The following ELMO1 variants were observed in gnomAD, a reference collection of about 807,000 sequenced individuals.
ELMO1 encodes engulfment and cell motility protein 1.
Under a neutral mutation model 98.9 loss-of-function variants are expected in ELMO1, and 26 were observed. That is an observed-to-expected ratio of 0.26 (90% CI 0.19 to 0.36). The LOEUF is 0.36. ELMO1 is among the 10% of genes least tolerant of loss of function. ELMO1 has a pLI of 1.00. For missense variants in ELMO1, 627 were observed against 935.2 expected, an observed-to-expected ratio of 0.67 and a Z score of 4.30; for synonymous variants, 346 against 346.0, an observed-to-expected ratio of 1.00 and a Z score of 0.00.
chr7:36,916,011 A>G (rs1242256719), intron 16 of ELMO1, among the ~76,000 whole-genome samples: 2 of 152,158 alleles, frequency 1.3e-5, no homozygotes, highest in African/African-American at 4.8e-5. Flanking sequence ...CAGGGAGGAA[A>G]TCTAAGCTTT....
At chr7:37,294,903 G>C (rs1049511690) in intron 4 of ELMO1, among the ~76,000 whole-genome samples, 2 of 151,920 alleles carry the variant, frequency 1.3e-5, no homozygotes, top group Admixed American at 6.6e-5. Context: ...GGGAGGCTGA[G>C]GCAGGAGAAT....
Position 37,029,826 on chromosome 7 carries a change from T to C in ELMO1, c.1301-16391A>G, listed in dbSNP as rs536867183. Among the ~76,000 whole-genome samples the C allele has an allele frequency of 3.3e-5, 5 of 152,302 alleles. No individual in the cohort carries two copies. In the East Asian group the frequency reaches 9.6e-4, roughly 29 times the overall value. ...ATGTATAGATTCTGCCTTAGAAATGTATGTTTGTGAAGAATTAGAGTCTTA... is the reference window on the plus strand; with the variant it reads ...ATGTATAGATTCTGCCTTAGAAATGCATGTTTGTGAAGAATTAGAGTCTTA... On this transcript the variant is annotated intron_variant, in intron 15 of 21. Transcript: ENST00000310758.
At chr7:37,185,877 A>G (rs1487063420) in intron 13 of ELMO1, among the ~76,000 whole-genome samples, 1 of 152,216 alleles carries the variant, frequency 6.6e-6, no homozygotes, top group Non-Finnish European at 1.5e-5. Context: ...TTAAGCTGGG[A>G]TGGCAATGCT....
intron 13 of ELMO1, among the ~76,000 whole-genome samples, chr7:37,194,177 T>A (rs1404398829): frequency 6.6e-6 from 1 of 152,254 alleles, no homozygotes; most frequent in Non-Finnish European, 1.5e-5. Flanking sequence ...GCCAGGTTAC[T>A]GTAAATCTCA....
At chr7:37,383,806 C>T (rs1322325946) in intron 1 of ELMO1, among the ~76,000 whole-genome samples, 1 of 150,108 alleles carries the variant, frequency 6.7e-6, no homozygotes, top group Non-Finnish European at 1.5e-5. Context: ...ATATACAGGG[C>T]TTTTTGTTGT....
At chr7:37,086,872 T>C (rs985808754) in intron 15 of ELMO1, among the ~76,000 whole-genome samples, 3 of 142,746 alleles carry the variant, frequency 2.1e-5, no homozygotes, top group African/African-American at 7.5e-5. Flanking sequence ...GAAGTTTCCA[T>C]CCTAATTCCC....
chr7:37,373,039 G>A (rs1159933098), intron 1 of ELMO1, among the ~76,000 whole-genome samples: 1 of 152,192 alleles, frequency 6.6e-6, no homozygotes, highest in Non-Finnish European at 1.5e-5. Context: ...CACCTACAGG[G>A]AAACATCACA....
At chr7:36,990,197 A>G (rs1791782506) in intron 16 of ELMO1, among the ~76,000 whole-genome samples, 1 of 152,204 alleles carries the variant, frequency 6.6e-6, no homozygotes, top group South Asian at 2.1e-4. Flanking sequence ...CTATTTAGTT[A>G]ACCTGGACTT....
chr7:36,856,553 T>C (rs775918389), intron 21 of ELMO1, among the ~76,000 whole-genome samples: 1 of 152,222 alleles, frequency 6.6e-6, no homozygotes, highest in African/African-American at 2.4e-5. Context: ...TCTCCTTTCA[T>C]AGCCTTTTGT....
chr7:37,060,206 C>T (rs1760722775), intron 15 of ELMO1, among the ~76,000 whole-genome samples: 1 of 152,156 alleles, frequency 6.6e-6, no homozygotes, highest in South Asian at 2.1e-4. Flanking sequence ...CCAGCCTTGG[C>T]CCTGAGAAAG....
intron 1 of ELMO1, among the ~76,000 whole-genome samples, chr7:37,376,437 G>A (rs141262199): frequency 7.9e-5 from 12 of 152,228 alleles, no homozygotes; most frequent in South Asian, 6.2e-4. Context: ...TTATAACTTC[G>A]CTAATTGTTT....
At position 37,271,894 on chromosome 7, in the gene ELMO1, G is replaced by T; in HGVS notation, c.193-12C>A. On this transcript the variant is annotated splice_polypyrimidine_tract_variant and intron_variant, in intron 4 of 21. Coordinates refer to ENST00000310758, the MANE Select transcript of ELMO1 (RefSeq NM_014800.11). Reference sequence around the variant, plus strand: ...ATCTCATTGCGGTTCTGGAAAAGAAGAAAAAATCTTTGTAAATTTTCAAGT... The same window carrying T: ...ATCTCATTGCGGTTCTGGAAAAGAATAAAAAATCTTTGTAAATTTTCAAGT... 6.2e-7 allele frequency: 1 copy of T among 1,612,682 alleles called. No homozygotes were observed. Among genetic ancestry groups the T allele is most frequent in the South Asian group, 1.1e-5 (1 of 90,776 alleles).
intron 16 of ELMO1, among the ~76,000 whole-genome samples, chr7:36,957,412 C>T (rs1218646146): frequency 1.3e-5 from 2 of 152,200 alleles, no homozygotes; most frequent in African/African-American, 4.8e-5. Flanking sequence ...TCCACTATCC[C>T]TCTTTATGAC....
At chr7:36,914,104 A>T (rs1272086710) in intron 16 of ELMO1, among the ~76,000 whole-genome samples, 1 of 152,228 alleles carries the variant, frequency 6.6e-6, no homozygotes, top group African/African-American at 2.4e-5. Context: ...GCGTAAGGAA[A>T]GGGTAAGGAA....
intron 13 of ELMO1, among the ~76,000 whole-genome samples, chr7:37,163,611 C>A (rs992096952): frequency 2.6e-5 from 4 of 151,740 alleles, no homozygotes; most frequent in African/African-American, 9.7e-5. Flanking sequence ...TTTGTTCTTG[C>A]GATAGTTTAC....
At chr7:37,296,956 G>A (rs1447327486) in intron 4 of ELMO1, among the ~76,000 whole-genome samples, 1 of 152,156 alleles carries the variant, frequency 6.6e-6, no homozygotes, top group Non-Finnish European at 1.5e-5. Context: ...CATGAGCCAA[G>A]GACACAGGTG....
intron 4 of ELMO1, among the ~76,000 whole-genome samples, chr7:37,282,398 T>A (rs1797184914): frequency 6.6e-6 from 1 of 152,244 alleles, no homozygotes. Context: ...GTCCATTTCT[T>A]AATCATCACA....
rs1803435200 is a variant in ELMO1 at position 36,870,740 on chromosome 7, TA to T, written c.1823-266del. On this transcript the variant is annotated intron_variant, in intron 19 of 21. Coordinates refer to ENST00000310758, the MANE Select transcript of ELMO1 (RefSeq NM_014800.11). This position sits in a 1 kb window ranked among gnomAD's most constrained non-coding sequence, Gnocchi z 4.4. ...AATTTGGTTCAGTGAAACAAAGACC[TA>T]AAAAAACACCCATCATAGTACTGTT... Among the ~76,000 whole-genome samples the T allele has an allele frequency of 6.6e-6, 1 of 152,118 alleles. No homozygotes were observed. Among genetic ancestry groups the T allele is most frequent in the Non-Finnish European group, 1.5e-5 (1 of 68,012 alleles).
At chr7:36,902,788 A>C (rs1783675273) in intron 16 of ELMO1, among the ~76,000 whole-genome samples, 1 of 152,164 alleles carries the variant, frequency 6.6e-6, no homozygotes, top group Non-Finnish European at 1.5e-5. Context: ...GAAAGTCAGG[A>C]ATTCTGCTCT....
Sources: gnomAD v4.1 joint callset for allele counts (sites outside exome capture counted in the v4.1 genomes callset) on GRCh38, gnomAD v4.1.1 for gene constraint, Gnocchi (gnomAD v3.1) non-coding constraint, MANE v1.5 for transcripts, NCBI Gene and HGNC (gene_info 2026-07-23, HGNC 2026-07-21) for gene names.